The following CCDC51 variants were observed in gnomAD, a reference collection of about 807,000 sequenced individuals.
The protein encoded by CCDC51 is mitochondrial potassium channel.
In CCDC51, 25 loss-of-function variants were observed where a neutral mutation model predicts 24.8. That is an observed-to-expected ratio of 1.01 (90% CI 0.73 to 1.41). The LOEUF (loss-of-function observed/expected upper bound fraction) is 1.41. Among genes scored for constraint, CCDC51 ranks in the 40% most tolerant of loss-of-function variants. The probability of loss-of-function intolerance (pLI) is 0.00; values close to 1 mark genes in which losing one functional copy is unlikely to be tolerated. For synonymous variants in CCDC51, 190 were observed against 204.3 expected, an observed-to-expected ratio of 0.93 and a Z score of 0.60; for missense variants, 466 against 519.1, an observed-to-expected ratio of 0.90 and a Z score of 0.99.
At chr3:48,434,108 A>C (rs1382178582) in intron 2 of CCDC51, 1 of 831,102 alleles carries the variant, frequency 1.2e-6, no homozygotes, top group Non-Finnish European at 1.7e-6. Flanking sequence ...CATGCCCCTG[A>C]AAAAACTTGA....
At chr3:48,438,325 T>C (rs1306692838) in intron 1 of CCDC51, 1 of 152,000 alleles carries the variant, frequency 6.6e-6, no homozygotes, top group Non-Finnish European at 1.5e-5. Flanking sequence ...AAGTTGTTTT[T>C]TTAAAAAAAA....
chr3:48,440,102 T>A lies in CCDC51; in HGVS notation c.-123A>T, dbSNP rs924583917. 2.3e-5 allele frequency: 20 copies of A among 869,514 alleles called. No homozygotes were observed. The highest frequency in any genetic ancestry group is 8.9e-5 in the Admixed American group (3 of 33,862). The allele number at this position is 869,514 out of a possible 1,614,324, so 53.9% of individuals were successfully genotyped here. On this transcript the variant is annotated 5_prime_UTR_variant, in exon 1 of 4. Transcript: ENST00000395694. ...CAACCCTAGCTCCTCGTACCTGGCG[T>A]GGCCCGACCAATCGTCTGCCACTCA... is the stretch of plus-strand genomic sequence containing the variant.
intron 1 of CCDC51, among the ~76,000 whole-genome samples, chr3:48,436,894 C>T (rs1173363721): frequency 2.6e-5 from 4 of 152,214 alleles, no homozygotes; most frequent in Non-Finnish European, 5.9e-5. Flanking sequence ...CCATGTTCTG[C>T]ACATGGCAGC....
upstream of CCDC51, chr3:48,440,358 G>A (rs373491987): frequency 3.7e-6 from 6 of 1,611,728 alleles, no homozygotes; most frequent in Admixed American, 1.7e-5. Flanking sequence ...GCGGGGTGGG[G>A]ACCGGGCGGC....
upstream of CCDC51, chr3:48,440,164 G>C: frequency 6.9e-7 from 1 of 1,440,140 alleles, no homozygotes; most frequent in Non-Finnish European, 9.2e-7. Context: ...CCCCTGGAGC[G>C]CCGCATCCGG....
At chr3:48,439,643 GA>G (rs528945309) in intron 1 of CCDC51, among the ~76,000 whole-genome samples, 10 of 151,414 alleles carry the variant, frequency 6.6e-5, no homozygotes, top group East Asian at 1.9e-4. Context: ...GGGGGGAAAA[GA>G]AAAAAAAGCT....
upstream of CCDC51, among the ~76,000 whole-genome samples, chr3:48,441,187 T>C (rs1161194360): frequency 6.6e-6 from 1 of 152,066 alleles, no homozygotes; most frequent in Non-Finnish European, 1.5e-5. Flanking sequence ...GGCTAATTTT[T>C]TTTTTTTGAG....
In CCDC51 at chr3:48,433,249, C is replaced by T. The variant is rs764784884; in HGVS notation, c.478-83G>A. Reference sequence around the variant, plus strand: ...TAGCCACCAGCAGATGGCTCACTACCTTGTGCCTGGCAGAGTACATGTTCC... The same window carrying T: ...TAGCCACCAGCAGATGGCTCACTACTTTGTGCCTGGCAGAGTACATGTTCC... On this transcript the variant is annotated intron_variant, in intron 3 of 3. Coordinates refer to ENST00000395694, the MANE Select transcript of CCDC51 (RefSeq NM_001256964.2). The surrounding 1 kb of genome is among the most constrained non-coding windows in gnomAD (Gnocchi z 4.4). 6.9e-5 allele frequency: 92 copies of T among 1,329,400 alleles called. No individual in the cohort carries two copies. The highest frequency in any genetic ancestry group is 9.4e-5 in the Non-Finnish European group (90 of 955,766). The allele number at this position is 1,329,400 out of a possible 1,614,324, so 82.4% of individuals were successfully genotyped here.
At chr3:48,446,227 C>G in the CCDC51 span, 2 of 152,408 alleles carry the variant, frequency 1.3e-5, no homozygotes, top group African/African-American at 4.8e-5. Context: ...AAACATCATT[C>G]CTCCTTGGAC....
upstream of CCDC51, among the ~76,000 whole-genome samples, chr3:48,441,617 G>A (rs1364265537): frequency 6.6e-6 from 1 of 151,984 alleles, no homozygotes; most frequent in Non-Finnish European, 1.5e-5. Flanking sequence ...TGCTCCATAT[G>A]CTTTTCTAAC....
chr3:48,436,357 C>G (rs1438936597), intron 1 of CCDC51, among the ~76,000 whole-genome samples: 1 of 152,198 alleles, frequency 6.6e-6, no homozygotes, highest in African/African-American at 2.4e-5. Context: ...TCATGCTGTG[C>G]TAAGAACTGT....
chr3:48,432,651 A>G lies in CCDC51; in HGVS notation c.993T>C (p.Cys331=). The G allele has an allele frequency of 6.2e-7, 1 of 1,614,266 alleles. No individual in the cohort carries two copies. The highest frequency in any genetic ancestry group is 8.5e-7 in the Non-Finnish European group (1 of 1,180,048). Residue 331 remains cysteine, a synonymous_variant, in exon 4 of 4, where the codon TGT becomes TGC. Transcript: ENST00000395694. ...REQLDGLEKT[C]SQMAGVVQLV... ...GCTGAACCACCCCAGCCATTTGGCTACAAGTCTTTTCTAGGCCATCAAGCT... is the reference window on the plus strand; with the variant it reads ...GCTGAACCACCCCAGCCATTTGGCTGCAAGTCTTTTCTAGGCCATCAAGCT...
chr3:48,437,044 C>G lies in CCDC51; in HGVS notation c.-8-1908G>C, dbSNP rs1039757595. Among the ~76,000 whole-genome samples the G allele has an allele frequency of 6.6e-6, 1 of 152,222 alleles. No individual in the cohort carries two copies. Among genetic ancestry groups the G allele is most frequent in the Admixed American group, 6.5e-5 (1 of 15,286 alleles). ...CTTCCTTCTACTGCCATACTCTGCT[C>G]CAGCCACCGTGCTGGTCTGTGCCCT... On this transcript the variant is annotated intron_variant, in intron 1 of 3. Transcript: ENST00000395694. This position sits in a 1 kb window ranked among gnomAD's most constrained non-coding sequence, Gnocchi z 4.2.
At chr3:48,442,264 A>C (rs904728599), upstream of CCDC51, among the ~76,000 whole-genome samples, 1 of 141,746 alleles carries the variant, frequency 7.1e-6, no homozygotes, top group Non-Finnish European at 1.5e-5. Context: ...CTATCTCAAA[A>C]AAAAAAAAAA....
chr3:48,440,474 G>A, upstream of CCDC51: 1 of 1,611,536 alleles, frequency 6.2e-7, no homozygotes, highest in Non-Finnish European at 8.5e-7. Context: ...GGCGGGCGCG[G>A]AGGCACTGGC....
At chr3:48,438,348 C>T (rs1473499997) in intron 1 of CCDC51, 2 of 151,954 alleles carry the variant, frequency 1.3e-5, no homozygotes, top group African/African-American at 2.4e-5. Flanking sequence ...CAGAACTATA[C>T]TCTTGACTCC....
chr3:48,440,508 G>T (rs539373986), upstream of CCDC51: 20 of 1,605,888 alleles, frequency 1.2e-5, no homozygotes, highest in Admixed American at 6.8e-5. Flanking sequence ...CTGGGAGACA[G>T]GCCTGAGTTG....
chr3:48,443,239 TCC>T (rs1489564930), upstream of CCDC51, among the ~76,000 whole-genome samples: 1 of 39,716 alleles, frequency 2.5e-5, no homozygotes, highest in Admixed American at 3.5e-4. Flanking sequence ...AGACTCCATC[TCC>T]AAAAAAAAAA....
At chr3:48,441,685 TA>T (rs2039573910), upstream of CCDC51, among the ~76,000 whole-genome samples, 1 of 152,216 alleles carries the variant, frequency 6.6e-6, no homozygotes, top group Non-Finnish European at 1.5e-5. Context: ...CATTTCAAAA[TA>T]TTTTTCAGGC....
Sources: allele counts gnomAD v4.1 joint callset (sites outside exome capture counted in the v4.1 genomes callset), GRCh38; gene constraint gnomAD v4.1.1; non-coding constraint Gnocchi (gnomAD v3.1); transcripts MANE v1.5; gene names NCBI Gene and HGNC (gene_info 2026-07-23, HGNC 2026-07-21).